The following THADA variants were observed in gnomAD, a reference collection of about 807,000 sequenced individuals.
The protein encoded by THADA is tRNA (32-2'-O)-methyltransferase regulator THADA.
A neutral mutation model predicts 219.8 loss-of-function variants in THADA; 213 were observed. The observed-to-expected ratio is 0.97, with a 90% CI of 0.87 to 1.09. The LOEUF is 1.09. Among genes scored for constraint, THADA ranks in the 50% least tolerant of loss-of-function variants. The pLI is 0.00. For synonymous variants in THADA, 1,018 were observed against 828.9 expected (o/e 1.23, Z -3.92); for missense variants, 2,956 against 2,311.3 (o/e 1.28, Z -5.72).
chr2:43,507,731 C>T (rs754343677), intron 23 of THADA, among the ~76,000 whole-genome samples: 2 of 152,104 alleles, frequency 1.3e-5, no homozygotes, highest in African/African-American at 2.4e-5. Context: ...ACCATATTCC[C>T]GGATTTAATC....
intron 25 of THADA, among the ~76,000 whole-genome samples, chr2:43,489,123 T>C (rs973906602): frequency 1.3e-5 from 2 of 152,110 alleles, no homozygotes; most frequent in South Asian, 2.1e-4. Context: ...ACTTTCTTGA[T>C]TGTGTCCTTT....
At chr2:43,516,609 G>T (rs532712794) in intron 22 of THADA, among the ~76,000 whole-genome samples, 1 of 152,104 alleles carries the variant, frequency 6.6e-6, no homozygotes, top group South Asian at 2.1e-4. Context: ...GTAAAATAAG[G>T]GGGTAGAAGA....
chr2:43,245,990 G>A (rs1192301760), intron 36 of THADA, among the ~76,000 whole-genome samples: 5 of 150,424 alleles, frequency 3.3e-5, no homozygotes, highest in African/African-American at 7.3e-5. Flanking sequence ...CTTACTAGGC[G>A]CCCACCTCCG....
chr2:43,321,724 C>G (rs1195946308), intron 30 of THADA, among the ~76,000 whole-genome samples: 1 of 152,202 alleles, frequency 6.6e-6, no homozygotes, highest in African/African-American at 2.4e-5. Context: ...CTAAGACAGA[C>G]TTACTGTGAG....
At chr2:43,235,948 A>C (rs1159501661) in intron 36 of THADA, among the ~76,000 whole-genome samples, 3 of 152,024 alleles carry the variant, frequency 2.0e-5, no homozygotes, top group Non-Finnish European at 4.4e-5. Context: ...CTGGGATTAC[A>C]GGCACCCGCC....
chr2:43,514,499 C>CATAATAT (rs1558887031), intron 22 of THADA, among the ~76,000 whole-genome samples: 12 of 121,100 alleles, frequency 9.9e-5, no homozygotes, highest in African/African-American at 3.7e-4. Context: ...ATAATATATA[C>CATAATAT]GTATATTTTA....
chr2:43,565,123 C>T (rs1698510298), intron 15 of THADA: 1 of 152,114 alleles, frequency 6.6e-6, no homozygotes, highest in African/African-American at 2.4e-5. Context: ...ACAGATATAG[C>T]AAATATTGCA....
intron 26 of THADA, among the ~76,000 whole-genome samples, chr2:43,481,829 C>G (rs1384506496): frequency 6.6e-6 from 1 of 152,170 alleles, no homozygotes; most frequent in Non-Finnish European, 1.5e-5. Context: ...ACATTAAGAA[C>G]CTGCATGAAG....
In THADA at chr2:43,327,653, C is replaced by A. The variant is rs559251446; in HGVS notation, c.4344-7113G>T. Among the ~76,000 whole-genome samples the A allele has an allele frequency of 2.1e-4, 32 of 152,270 alleles. 1 individual carries two copies. Among genetic ancestry groups the A allele is most frequent in the African/African-American group, 7.0e-4 (29 of 41,560 alleles). On this transcript the variant is annotated intron_variant, in intron 30 of 37. Coordinates refer to ENST00000405975, the MANE Select transcript of THADA (RefSeq NM_022065.5). ...TTTAGGTGGCACAGGCACCTATAAT[C>A]CCAGCTACTCTGGAGGCTGACATGG...
chr2:43,285,081 G>T (rs1388470524), intron 35 of THADA, among the ~76,000 whole-genome samples: 1 of 152,196 alleles, frequency 6.6e-6, no homozygotes, highest in Non-Finnish European at 1.5e-5. Context: ...GCTCATGGGT[G>T]GAAGGGAGTT....
chr2:43,515,359 A>ATTTT (rs1558893164), intron 22 of THADA, among the ~76,000 whole-genome samples: 1 of 43,570 alleles, frequency 2.3e-5, no homozygotes, highest in Non-Finnish European at 3.8e-5. Flanking sequence ...TTTTATATAT[A>ATTTT]ATATATAATA....
intron 28 of THADA, among the ~76,000 whole-genome samples, chr2:43,424,618 A>T (rs764814287): frequency 8.5e-5 from 13 of 152,178 alleles, no homozygotes; most frequent in Admixed American, 3.9e-4. Context: ...AGGTCATCTA[A>T]ATCAAATGCA....
intron 26 of THADA, among the ~76,000 whole-genome samples, chr2:43,433,002 T>C (rs1331702164): frequency 6.6e-6 from 1 of 152,206 alleles, no homozygotes; most frequent in African/African-American, 2.4e-5. Context: ...AATTTTTTTC[T>C]TTATGATTCA....
At chr2:43,370,818 T>C (rs907320307) in intron 29 of THADA, among the ~76,000 whole-genome samples, 5 of 152,224 alleles carry the variant, frequency 3.3e-5, no homozygotes, top group Non-Finnish European at 7.3e-5. Context: ...TGAAACTCAG[T>C]AGATTTCAAA....
In THADA at chr2:43,578,565, A is replaced by G; in HGVS notation, c.764T>C (p.Ile255Thr). The change falls in exon 9 of 38, where the codon ATT (isoleucine) becomes ACT (threonine). Residue 255 changes from isoleucine (I) to threonine (T), a missense_variant. Physicochemically the swap from Ile to Thr is moderately conservative, Grantham distance 89. Coordinates refer to ENST00000405975, the MANE Select transcript of THADA (RefSeq NM_022065.5). The stretch of plus-strand genomic sequence containing the variant: ...AAACATAGTCTTAATAAAAAGAATA[A>G]TAGCTAATCCAGATGTGCTCTGTAC... ...QTVQSTSGLA[I>T]ILFIKTMFHP... 1 of 1,613,130 alleles carries G rather than the reference A, an allele frequency of 6.2e-7. No homozygotes were observed. Among genetic ancestry groups the G allele is most frequent in the Non-Finnish European group, 8.5e-7 (1 of 1,179,264 alleles).
intron 17 of THADA, among the ~76,000 whole-genome samples, chr2:43,555,782 TA>T (rs968703590): frequency 1.3e-5 from 2 of 151,578 alleles, no homozygotes; most frequent in African/African-American, 4.8e-5. Context: ...CTTTTCCTAT[TA>T]AAAAAAAATC....
At chr2:43,501,058 C>A (rs920907357) in intron 24 of THADA, among the ~76,000 whole-genome samples, 1 of 151,886 alleles carries the variant, frequency 6.6e-6, no homozygotes, top group Non-Finnish European at 1.5e-5. Context: ...GTGATCCCAG[C>A]ACTTTGGGAA....
At position 43,592,016 on chromosome 2, in the gene THADA, G is replaced by A. The variant is rs1234095242; in HGVS notation, c.107C>T (p.Ala36Val). The A allele has an allele frequency of 6.4e-7, 1 of 1,562,644 alleles. No homozygotes were observed. Among genetic ancestry groups the A allele is most frequent in the Non-Finnish European group, 8.7e-7 (1 of 1,152,212 alleles). ...SFADVEGKNL[A>V]SLLLHCVQLT... ...TTGCACACAATGTAACAGCAAAGAAGCTAGATTTTTCCCTTCCACATCAGC... is the reference window on the plus strand; with the variant it reads ...TTGCACACAATGTAACAGCAAAGAAACTAGATTTTTCCCTTCCACATCAGC... The change falls in exon 3 of 38, where the codon GCT (alanine) becomes GTT (valine). Residue 36 changes from alanine to valine, a missense_variant. By Grantham distance (64) the Ala-to-Val change is moderately conservative (BLOSUM62 0). Coordinates refer to ENST00000405975, the MANE Select transcript of THADA (RefSeq NM_022065.5).
At chr2:43,336,507 G>A (rs1480495756) in intron 30 of THADA, among the ~76,000 whole-genome samples, 1 of 151,762 alleles carries the variant, frequency 6.6e-6, no homozygotes, top group Non-Finnish European at 1.5e-5. Flanking sequence ...CCTGACCTCC[G>A]GTGACCCACC....
Sources: allele counts gnomAD v4.1 joint callset (sites outside exome capture counted in the v4.1 genomes callset), GRCh38; gene constraint gnomAD v4.1.1; transcripts MANE v1.5; gene names NCBI Gene and HGNC (gene_info 2026-07-23, HGNC 2026-07-21).